The following COL4A2 variants were observed in gnomAD, a reference collection of about 807,000 sequenced individuals.
COL4A2 encodes collagen type IV alpha 2 chain.
COL4A2 carries 99 observed loss-of-function variants against 200.2 expected under a neutral mutation model. The ratio of observed to expected loss-of-function variants is 0.49; its 90% confidence interval spans 0.42 to 0.58. The LOEUF (loss-of-function observed/expected upper bound fraction) is 0.58. Ranked by LOEUF, COL4A2 falls within the 20% of genes least tolerant of loss-of-function variation. The probability of loss-of-function intolerance (pLI) is 0.00; values close to 1 mark genes in which losing one functional copy is unlikely to be tolerated. For missense variants in COL4A2, 1,950 were observed against 2,314.1 expected (o/e 0.84, Z 3.23); for synonymous variants, 897 against 900.6 (o/e 1.00, Z 0.07).
intron 6 of COL4A2, among the ~76,000 whole-genome samples, chr13:110,427,920 G>A (rs577074904): frequency 2.7e-4 from 41 of 152,332 alleles, no homozygotes; most frequent in African/African-American, 9.4e-4. Flanking sequence ...ATCACGTTGC[G>A]GGTGTGTCTT....
At chr13:110,511,575 T>G (rs149252533) in intron 47 of COL4A2, among the ~76,000 whole-genome samples, 13 of 152,346 alleles carry the variant, frequency 8.5e-5, no homozygotes, top group African/African-American at 3.1e-4. Flanking sequence ...TTTCTTTGAA[T>G]GGATGATTAG....
At chr13:110,368,852 G>T (rs1206846072) in intron 4 of COL4A2, among the ~76,000 whole-genome samples, 1 of 42,604 alleles carries the variant, frequency 2.3e-5, no homozygotes, top group Non-Finnish European at 4.7e-5. Flanking sequence ...AAGAAAAGGG[G>T]GGGGGGGGGT....
At chr13:110,403,088 C>T (rs1879433585) in intron 4 of COL4A2, among the ~76,000 whole-genome samples, 1 of 96,864 alleles carries the variant, frequency 1.0e-5, no homozygotes, top group Non-Finnish European at 2.6e-5. Context: ...AGATTGCCTC[C>T]GGAGGTCCTT....
intron 10 of COL4A2, among the ~76,000 whole-genome samples, chr13:110,431,527 C>G (rs992142095): frequency 6.6e-6 from 1 of 152,176 alleles, no homozygotes; most frequent in Non-Finnish European, 1.5e-5. Context: ...TGTGAAAGAC[C>G]TGGTCAAGGT....
intron 3 of COL4A2, among the ~76,000 whole-genome samples, chr13:110,349,336 C>T (rs576232201): frequency 6.6e-6 from 1 of 152,240 alleles, no homozygotes; most frequent in South Asian, 2.1e-4. Context: ...CACCCTTTTC[C>T]CCGGTGGCAA....
At chr13:110,484,723 C>G (rs545927930) in intron 32 of COL4A2, among the ~76,000 whole-genome samples, 182 bp from the exon 33 acceptor site, 39 of 152,226 alleles carry the variant, frequency 2.6e-4, no homozygotes, top group African/African-American at 6.7e-4. Flanking sequence ...CCTGGAGCCA[C>G]CCCCAACTCC....
intron 4 of COL4A2, among the ~76,000 whole-genome samples, chr13:110,384,863 T>G (rs1878621721): frequency 6.6e-6 from 1 of 152,200 alleles, no homozygotes; most frequent in South Asian, 2.1e-4. Flanking sequence ...GCAAGCTCTG[T>G]GGTCCAGTTT....
At chr13:110,472,426 G>A (rs1566553781) in intron 28 of COL4A2, among the ~76,000 whole-genome samples, 1 of 152,172 alleles carries the variant, frequency 6.6e-6, no homozygotes, top group Non-Finnish European at 1.5e-5. Context: ...CAACAGAGGG[G>A]TGTCGTTCCT....
chr13:110,408,795 ACACG>A (rs1234765729), intron 4 of COL4A2, among the ~76,000 whole-genome samples: 14 of 46,168 alleles, frequency 3.0e-4, no homozygotes, highest in Middle Eastern at 7.9e-3. Context: ...GCGTACACAC[ACACG>A]CACACATATA....
Position 110,474,853 on chromosome 13 carries a change from A to T in COL4A2, c.2425+1703A>T, listed in dbSNP as rs1287763700. On this transcript the variant is annotated intron_variant, in intron 29 of 47. Transcript: ENST00000360467. ...CACACGTGCCTGTGCATGCTCAAAC[A>T]TGATCACACACTCCATACACACACG... Among the ~76,000 whole-genome samples the T allele has an allele frequency of 2.5e-5, 3 of 121,240 alleles. 1 individual carries two copies. Among genetic ancestry groups the T allele is most frequent in the Non-Finnish European group, 5.6e-5 (3 of 53,974 alleles). 79.5% of individuals were successfully genotyped at this position (121,240 alleles called of 152,430 possible). A position where few individuals can be genotyped will look rare whatever the true frequency, so the allele number is the denominator to read the frequency against.
chr13:110,493,138 C>T (rs1488469617), intron 38 of COL4A2, 73 bp from the exon 39 acceptor site: 2 of 1,575,542 alleles, frequency 1.3e-6, no homozygotes, highest in Non-Finnish European at 1.7e-6. Context: ...GTGACACCCC[C>T]GCAGGTGAAA....
chr13:110,437,969 A>G, intron 13 of COL4A2, 33 bp from the exon 14 acceptor site: 4 of 1,591,300 alleles, frequency 2.5e-6, no homozygotes, highest in South Asian at 1.1e-5. Context: ...CCTCAAATTA[A>G]TAAGCGTTTC....
intron 26 of COL4A2, among the ~76,000 whole-genome samples, chr13:110,466,382 G>A (rs779421002): frequency 9.8e-5 from 15 of 152,334 alleles, no homozygotes; most frequent in Admixed American, 2.0e-4. Flanking sequence ...GCCCAGCCCA[G>A]ACGGTGGCGA....
chr13:110,355,421 G>GT (rs1346156470), intron 3 of COL4A2, among the ~76,000 whole-genome samples: 1 of 106,490 alleles, frequency 9.4e-6, no homozygotes, highest in Non-Finnish European at 2.0e-5. Flanking sequence ...GTGTGTGTGG[G>GT]GGAGGGCTGT....
rs758899409 is a variant in COL4A2 at position 110,445,805 on chromosome 13, T to C, written c.958-24T>C. ...GGAGTTATACATCAGAGACAAAAAT[T>C]AAAAGCAAATATCTTTCTTGCAGGG... On this transcript the variant is annotated intron_variant, in intron 16 of 47. Coordinates refer to ENST00000360467, the MANE Select transcript of COL4A2 (RefSeq NM_001846.4). 3 of 1,614,138 alleles carry C rather than the reference T, an allele frequency of 1.9e-6. No homozygotes were observed. In the South Asian group the frequency reaches 3.3e-5, roughly 18 times the overall value.
chr13:110,485,102 G>T (rs192001006), intron 33 of COL4A2, 75 bp downstream of exon 33: 1 of 1,348,162 alleles, frequency 7.4e-7, no homozygotes, highest in Non-Finnish European at 9.9e-7. Context: ...GCCCTTCTCC[G>T]TCCCCAGAGA....
At chr13:110,311,862 A>G (rs1594138475) in intron 3 of COL4A2, among the ~76,000 whole-genome samples, 1 of 152,118 alleles carries the variant, frequency 6.6e-6, no homozygotes, top group Non-Finnish European at 1.5e-5. Flanking sequence ...CCTGCCTGCC[A>G]CCCTGCCGCT....
intron 4 of COL4A2, among the ~76,000 whole-genome samples, chr13:110,377,303 G>A (rs1188308779): frequency 1.3e-5 from 2 of 152,190 alleles, no homozygotes; most frequent in African/African-American, 4.8e-5. Flanking sequence ...TCCAGATGCA[G>A]TATTGGTTGC....
At chr13:110,308,203 G>C in intron 3 of COL4A2, 80 bp downstream of exon 3, 1 of 1,507,024 alleles carries the variant, frequency 6.6e-7, no homozygotes, top group Non-Finnish European at 9.2e-7. Context: ...AAGGCAGCTC[G>C]TCCGTGCGCT....
Sources: allele counts gnomAD v4.1 joint callset (sites outside exome capture counted in the v4.1 genomes callset), GRCh38; gene constraint gnomAD v4.1.1; transcripts MANE v1.5; gene names NCBI Gene and HGNC (gene_info 2026-07-23, HGNC 2026-07-21).